Variants in ASXL3 observed in about 807,000 individuals in gnomAD.
ASXL3 encodes putative Polycomb group protein ASXL3.
ASXL3 carries 34 observed loss-of-function variants against 170.6 expected under a neutral mutation model. The observed-to-expected ratio is 0.20, with a 90% confidence interval of 0.15 to 0.27. The LOEUF is 0.27. Among genes scored for constraint, ASXL3 ranks in the 10% least tolerant of loss-of-function variants. The pLI, the probability that ASXL3 is intolerant of heterozygous loss-of-function variation, is 1.00. For synonymous variants in ASXL3, 1,002 were observed against 989.1 expected, an observed-to-expected ratio of 1.01 and a Z score of -0.24; for missense variants, 2,592 against 2,695.3, an observed-to-expected ratio of 0.96 and a Z score of 0.85.
intron 1 of ASXL3, 178 bp downstream of exon 1, chr18:33,578,863 T>A (rs1282812228): frequency 3.7e-6 from 1 of 269,832 alleles, no homozygotes; most frequent in Non-Finnish European, 6.2e-6. Flanking sequence ...TGTGTGTGCG[T>A]GCGCGCGCGG....
At chr18:33,611,658 ACTT>A (rs2065338485) in intron 2 of ASXL3, among the ~76,000 whole-genome samples, 2 of 152,014 alleles carry the variant, frequency 1.3e-5, no homozygotes, top group East Asian at 3.9e-4. Context: ...CCCTCTTTGG[ACTT>A]CTTAGATAAA....
In ASXL3 at chr18:33,728,816, T is replaced by C. The variant is rs548934368; in HGVS notation, c.880-3152T>C. Among the ~76,000 whole-genome samples, 21 of 152,336 alleles carry C rather than the reference T, an allele frequency of 1.4e-4. No homozygotes were observed. The East Asian group carries it at 4.1e-3, about 29-fold the overall frequency. ...CAGTTTCATTTTTCCTTCTCTCTTC[T>C]GTTACACAGCTACCAAAGTCATCTT... On this transcript the variant is annotated intron_variant, in intron 8 of 11. Transcript: ENST00000269197.
intron 11 of ASXL3, 129 bp downstream of exon 11, chr18:33,740,572 A>C (rs2067646169): frequency 1.1e-6 from 1 of 911,686 alleles, no homozygotes; most frequent in African/African-American, 1.7e-5. Flanking sequence ...CTAATCCTCT[A>C]ATAGTAAATG....
rs1464306535 is a variant in ASXL3, at chr18:33,738,781, G to A, written c.1377G>A (p.Glu459=). The change falls in exon 11 of 12, where the codon GAG becomes GAA. Residue 459 remains glutamate, a synonymous_variant. Coordinates refer to ENST00000269197, the MANE Select transcript of ASXL3 (RefSeq NM_030632.3). ...AGGAGGAAATTGCAGAAGAGGTAGA[G>A]ACTAGTATCTGTGAATGCCAGGATG... is the stretch of plus-strand genomic sequence containing the variant. ...VIQEEIAEEV[E]TSICECQDEN... 1 of 1,613,858 alleles carries A rather than the reference G, an allele frequency of 6.2e-7. No homozygotes were observed. Among genetic ancestry groups the A allele is most frequent in the Non-Finnish European group, 8.5e-7 (1 of 1,179,872 alleles).
intron 2 of ASXL3, among the ~76,000 whole-genome samples, chr18:33,631,140 T>G (rs1311012628): frequency 2.6e-5 from 4 of 151,894 alleles, no homozygotes; most frequent in African/African-American, 9.7e-5. Flanking sequence ...TCATAAACCA[T>G]GGAGAAAATA....
intron 8 of ASXL3, among the ~76,000 whole-genome samples, chr18:33,715,924 A>G (rs2067156895): frequency 6.6e-6 from 1 of 152,170 alleles, no homozygotes; most frequent in Non-Finnish European, 1.5e-5. Flanking sequence ...GCAGACAGCA[A>G]AGGCAAAAGA....
rs766125533 is a variant in ASXL3 at position 33,746,414 on chromosome 18, C to G, written c.6566C>G (p.Ser2189Cys). 1.2e-6 allele frequency: 2 copies of G among 1,613,814 alleles called. No homozygotes were observed. Among genetic ancestry groups the G allele is most frequent in the African/African-American group, 1.3e-5 (1 of 74,938 alleles). ...GSGSNPATGL[S>C]GQNAQMPVQN... ...GGCTCCAATCCTGCCACAGGCTTGT[C>G]TGGTCAGAACGCTCAGATGCCCGTT... Residue 2189 changes from serine (S) to cysteine (C), a missense_variant, in exon 12 of 12, where the codon TCT becomes TGT. Around this residue, in one of 4 missense-constraint regions of ASXL3, gnomAD observed 2,246 missense variants for 2,219.6 expected, o/e 1.01. Coordinates refer to ENST00000269197, the MANE Select transcript of ASXL3 (RefSeq NM_030632.3).
rs1568343428 is a variant in ASXL3 at position 33,713,241 on chromosome 18, TTG to T, written c.880-18725_880-18724del. ...CTACCACAAGAAGGTTTTTTTTGTT[TTG>T]TTTTGTTTTTTTTTTTTTTTTTTTT... On this transcript the variant is annotated intron_variant, in intron 8 of 11. Coordinates refer to ENST00000269197, the MANE Select transcript of ASXL3 (RefSeq NM_030632.3). Among the ~76,000 whole-genome samples the T allele has an allele frequency of 3.1e-5, 2 of 65,532 alleles. 1 individual carries two copies. The highest frequency in any genetic ancestry group is 5.8e-5 in the Non-Finnish European group (2 of 34,554). The allele number at this position is 65,532 out of a possible 152,430, so 43.0% of individuals were successfully genotyped here. A position where few individuals can be genotyped will look rare whatever the true frequency, so the allele number is the denominator to read the frequency against.
At chr18:33,601,156 G>A (rs975380291) in intron 1 of ASXL3, among the ~76,000 whole-genome samples, 1 of 152,054 alleles carries the variant, frequency 6.6e-6, no homozygotes, top group African/African-American at 2.4e-5. Context: ...GTAGTAACTA[G>A]TGAAGTTTAC....
intron 1 of ASXL3, among the ~76,000 whole-genome samples, chr18:33,580,434 A>C (rs889722062): frequency 6.6e-6 from 1 of 152,198 alleles, no homozygotes; most frequent in Non-Finnish European, 1.5e-5. Context: ...ATCAAGTACT[A>C]TTAGAGAGCT....
chr18:33,673,373 A>AT lies in ASXL3; in HGVS notation c.715+1525dup, dbSNP rs150226666. On this transcript the variant is annotated intron_variant, in intron 7 of 11. Coordinates refer to ENST00000269197, the MANE Select transcript of ASXL3 (RefSeq NM_030632.3). The stretch of plus-strand genomic sequence containing the variant: ...CCTCTCAGGGGCTGAGATCTTCAGT[A>AT]TTTTTTTTTTTTTTTTTTGAGACAG... Among the ~76,000 whole-genome samples, 152 of 138,704 alleles carry AT rather than the reference A, an allele frequency of 1.1e-3. 1 individual carries two copies. Among genetic ancestry groups the AT allele is most frequent in the South Asian group, 1.4e-3 (6 of 4,298 alleles). The allele number at this position is 138,704 out of a possible 152,430, so 91.0% of individuals were successfully genotyped here.
intron 1 of ASXL3, among the ~76,000 whole-genome samples, chr18:33,603,327 T>C (rs1224008320): frequency 6.6e-6 from 1 of 152,028 alleles, no homozygotes; most frequent in Non-Finnish European, 1.5e-5. Flanking sequence ...AGTTAACACA[T>C]AGAAAATTGC....
At chr18:33,720,162 G>A (rs529348314) in intron 8 of ASXL3, among the ~76,000 whole-genome samples, 98 of 152,066 alleles carry the variant, frequency 6.4e-4, no homozygotes, top group African/African-American at 2.3e-3. Context: ...TCTCAGGCAC[G>A]CCCCATGCTA....
intron 2 of ASXL3, among the ~76,000 whole-genome samples, chr18:33,632,858 G>C (rs1200287996): frequency 1.3e-5 from 2 of 152,114 alleles, no homozygotes; most frequent in African/African-American, 4.8e-5. Flanking sequence ...CCTTGTTAAA[G>C]TCCTCTGGGG....
intron 8 of ASXL3, among the ~76,000 whole-genome samples, chr18:33,715,725 G>T (rs1238833821): frequency 1.3e-5 from 2 of 152,100 alleles, no homozygotes; most frequent in Non-Finnish European, 2.9e-5. Flanking sequence ...ATTAAAATTT[G>T]CTTTTATTAC....
chr18:33,719,322 C>A (rs2145367635), intron 8 of ASXL3, among the ~76,000 whole-genome samples: 1 of 152,096 alleles, frequency 6.6e-6, no homozygotes, highest in African/African-American at 2.4e-5. Flanking sequence ...CTCGGAGAGT[C>A]CTACCTCCAC....
intron 2 of ASXL3, among the ~76,000 whole-genome samples, chr18:33,618,750 CA>C (rs2065466837): frequency 6.6e-6 from 1 of 152,070 alleles, no homozygotes; most frequent in Admixed American, 6.6e-5. Flanking sequence ...CTCTGTGAAG[CA>C]TATCTTAAGC....
At chr18:33,601,522 T>C (rs1300931671) in intron 1 of ASXL3, among the ~76,000 whole-genome samples, 2 of 151,850 alleles carry the variant, frequency 1.3e-5, no homozygotes, top group African/African-American at 4.8e-5. Flanking sequence ...TATTATTCTA[T>C]AAAAAGTTCC....
At chr18:33,590,512 A>G (rs1185094211) in intron 1 of ASXL3, among the ~76,000 whole-genome samples, 1 of 152,224 alleles carries the variant, frequency 6.6e-6, no homozygotes, top group Non-Finnish European at 1.5e-5. Context: ...CCTTTGCTAT[A>G]TAGACGGTGA....
Sources: allele counts gnomAD v4.1 joint callset (sites outside exome capture counted in the v4.1 genomes callset), GRCh38; gene constraint gnomAD v4.1.1; regional missense constraint gnomAD v4.1.1; transcripts MANE v1.5; gene names NCBI Gene and HGNC (gene_info 2026-07-23, HGNC 2026-07-21).